The following ROBO1 variants were observed in gnomAD, a reference collection of about 807,000 sequenced individuals.
ROBO1 encodes roundabout guidance receptor 1.
Under a neutral mutation model 195.9 loss-of-function variants are expected in ROBO1, and 149 were observed. The observed-to-expected ratio is 0.76, with a 90% CI of 0.67 to 0.87. ROBO1 has a LOEUF of 0.87. ROBO1 is among the 40% of genes least tolerant of loss of function. ROBO1 has a pLI of 0.00. For missense variants in ROBO1, 1,933 were observed against 2,068.3 expected (o/e 0.93, Z 1.27); for synonymous variants, 816 against 733.2 (o/e 1.11, Z -1.82).
intron 14 of ROBO1, among the ~76,000 whole-genome samples, chr3:78,667,595 C>T (rs1201438302): frequency 2.0e-5 from 3 of 152,078 alleles, no homozygotes; most frequent in African/African-American, 7.2e-5. Context: ...TGGTAACCAT[C>T]ATTCTACTTT....
At chr3:79,509,697 C>G (rs935790343) in intron 2 of ROBO1, among the ~76,000 whole-genome samples, 7 of 152,110 alleles carry the variant, frequency 4.6e-5, no homozygotes, top group Non-Finnish European at 8.8e-5. Context: ...GACAAGCACT[C>G]AATACATCTT....
At chr3:79,763,471 A>G (rs1479334659) in intron 1 of ROBO1, among the ~76,000 whole-genome samples, 1 of 152,170 alleles carries the variant, frequency 6.6e-6, no homozygotes, top group South Asian at 2.1e-4. Context: ...GAAAAATTTT[A>G]TGGTGGAGAA....
At chr3:79,318,829 A>G (rs1351286821) in intron 2 of ROBO1, among the ~76,000 whole-genome samples, 1 of 152,216 alleles carries the variant, frequency 6.6e-6, no homozygotes, top group Non-Finnish European at 1.5e-5. Context: ...CTGAAGGTCT[A>G]AGACAAAGAG....
At chr3:78,816,978 G>A (rs559513652) in intron 4 of ROBO1, among the ~76,000 whole-genome samples, 437 of 29,300 alleles carry the variant, frequency 0.015, 3 homozygotes, top group African/African-American at 0.021. Flanking sequence ...AGAGCTTAAA[G>A]TATAATAAAA....
chr3:78,937,233 T>C (rs1382266229), intron 4 of ROBO1, among the ~76,000 whole-genome samples: 1 of 152,002 alleles, frequency 6.6e-6, no homozygotes, highest in East Asian at 1.9e-4. Flanking sequence ...GAATAATCTG[T>C]CTCTAAATCC....
intron 2 of ROBO1, among the ~76,000 whole-genome samples, chr3:79,197,288 G>A (rs912713030): frequency 5.9e-5 from 9 of 151,874 alleles, no homozygotes; most frequent in Non-Finnish European, 1.0e-4. Flanking sequence ...AACATGAAGG[G>A]TTTGGTTTTC....
At chr3:79,162,811 A>G (rs1424824197) in intron 2 of ROBO1, among the ~76,000 whole-genome samples, 2 of 152,128 alleles carry the variant, frequency 1.3e-5, no homozygotes, top group African/African-American at 2.4e-5. Flanking sequence ...GAGATTCTGC[A>G]AAATAAAATA....
chr3:79,535,694 A>C (rs546444147), intron 2 of ROBO1, among the ~76,000 whole-genome samples: 1 of 152,082 alleles, frequency 6.6e-6, no homozygotes, highest in South Asian at 2.1e-4. Flanking sequence ...AATAAAATAG[A>C]TTGAGGAGAT....
intron 1 of ROBO1, among the ~76,000 whole-genome samples, chr3:79,730,699 T>C (rs1049569388): frequency 1.3e-5 from 2 of 151,948 alleles, no homozygotes; most frequent in Admixed American, 6.6e-5. Context: ...AAAAGTTCTG[T>C]TCTTTGAAGG....
chr3:78,838,504 G>A (rs1262182554), intron 4 of ROBO1, among the ~76,000 whole-genome samples: 1 of 152,126 alleles, frequency 6.6e-6, no homozygotes, highest in African/African-American at 2.4e-5. Flanking sequence ...ATCTGGTGAC[G>A]GCCTCAGGCT....
intron 1 of ROBO1, among the ~76,000 whole-genome samples, chr3:79,677,154 A>T (rs1312200485): frequency 1.3e-5 from 2 of 151,912 alleles, no homozygotes; most frequent in African/African-American, 4.8e-5. Context: ...TATGCAATAT[A>T]CTGTGTTGAA....
chr3:79,669,236 T>C (rs1045876120), intron 1 of ROBO1, among the ~76,000 whole-genome samples: 1 of 151,820 alleles, frequency 6.6e-6, no homozygotes, highest in Admixed American at 6.6e-5. Context: ...ACCAGCTCTC[T>C]TTTTTTGCCT....
At chr3:79,323,121 AC>A (rs1191880845) in intron 2 of ROBO1, among the ~76,000 whole-genome samples, 1 of 149,146 alleles carries the variant, frequency 6.7e-6, no homozygotes, top group Non-Finnish European at 1.5e-5. Flanking sequence ...TCACTCTGTC[AC>A]CCAGGCTGGA....
At chr3:79,499,172 G>T (rs1402209412) in intron 2 of ROBO1, among the ~76,000 whole-genome samples, 1 of 152,104 alleles carries the variant, frequency 6.6e-6, no homozygotes, top group African/African-American at 2.4e-5. Context: ...TTTTTGAATT[G>T]TTAGTAGAGA....
intron 4 of ROBO1, among the ~76,000 whole-genome samples, chr3:78,793,539 A>C (rs1270858721): frequency 9.2e-5 from 14 of 152,198 alleles, no homozygotes; most frequent in Admixed American, 9.2e-4. Context: ...TTGCAGGTAC[A>C]TGATCCAACA....
chr3:79,457,594 T>C (rs902040196), intron 2 of ROBO1, among the ~76,000 whole-genome samples: 5 of 152,070 alleles, frequency 3.3e-5, no homozygotes, highest in Non-Finnish European at 7.4e-5. Context: ...CCATGTGTCA[T>C]GAGAGAAACC....
intron 1 of ROBO1, among the ~76,000 whole-genome samples, chr3:79,652,672 C>T (rs531456333): frequency 1.2e-4 from 18 of 152,000 alleles, no homozygotes; most frequent in Admixed American, 3.9e-4. Context: ...GTGGCATTCA[C>T]AGTGATATTA....
At chr3:79,334,311 A>AAAATATATATATATATATATATGTGT in intron 2 of ROBO1, among the ~76,000 whole-genome samples, 1 of 131,754 alleles carries the variant, frequency 7.6e-6, no homozygotes, top group Non-Finnish European at 1.6e-5. Context: ...AAAAAAAAAA[A>AAAATATATATATATATATATATGTGT]ATATATATAT....
chr3:79,758,120 G>A (rs1264408419), intron 1 of ROBO1, among the ~76,000 whole-genome samples: 2 of 152,104 alleles, frequency 1.3e-5, no homozygotes, highest in African/African-American at 2.4e-5. Flanking sequence ...TTATTACCAT[G>A]CCCTGTAAAA....
Sources: gnomAD v4.1 joint callset for allele counts (sites outside exome capture counted in the v4.1 genomes callset) on GRCh38, gnomAD v4.1.1 for gene constraint, MANE v1.5 for transcripts, NCBI Gene and HGNC (gene_info 2026-07-23, HGNC 2026-07-21) for gene names.